Variants in PDE9A observed in about 807,000 individuals in gnomAD.
The protein encoded by PDE9A is high affinity cGMP-specific 3',5'-cyclic phosphodiesterase 9A.
A neutral mutation model predicts 87.4 loss-of-function variants in PDE9A; 60 were observed. That is an observed-to-expected ratio of 0.69 (90% CI 0.56 to 0.85). The LOEUF is 0.85. Among genes scored for constraint, PDE9A ranks in the 40% least tolerant of loss-of-function variants. The probability of loss-of-function intolerance (pLI) is 0.00; values close to 1 mark genes in which losing one functional copy is unlikely to be tolerated. For missense variants in PDE9A, 665 were observed against 779.0 expected (o/e 0.85, Z 1.74); for synonymous variants, 272 against 279.4 (o/e 0.97, Z 0.27).
chr21:42,746,404 G>T (rs1459271720), intron 8 of PDE9A, among the ~76,000 whole-genome samples: 1 of 152,192 alleles, frequency 6.6e-6, no homozygotes, highest in Non-Finnish European at 1.5e-5. Flanking sequence ...ACCTCTGAAG[G>T]CCCCAGGGGA....
chr21:42,693,871 C>T (rs1203356635), intron 3 of PDE9A, among the ~76,000 whole-genome samples: 6 of 152,190 alleles, frequency 3.9e-5, no homozygotes, highest in East Asian at 3.9e-4. Context: ...AGATTACAGG[C>T]GTGAGCCACC....
chr21:42,716,617 C>T (rs1202090007), intron 4 of PDE9A, among the ~76,000 whole-genome samples: 2 of 151,508 alleles, frequency 1.3e-5, no homozygotes, highest in Non-Finnish European at 2.9e-5. Context: ...TGTACCGCCT[C>T]ACATAAAAAA....
intron 4 of PDE9A, among the ~76,000 whole-genome samples, chr21:42,712,697 G>C (rs370163529): frequency 6.6e-6 from 1 of 152,134 alleles, no homozygotes; most frequent in Non-Finnish European, 1.5e-5. Flanking sequence ...TCTAATGTTA[G>C]TTTTCTGAGA....
At chr21:42,726,333 A>G (rs1234833965) in intron 4 of PDE9A, among the ~76,000 whole-genome samples, 2 of 151,244 alleles carry the variant, frequency 1.3e-5, no homozygotes, top group Non-Finnish European at 2.9e-5. Flanking sequence ...CAGTCTATCC[A>G]TTTTTCTTTT....
chr21:42,769,644 G>GCACACATA (rs1569280234), intron 17 of PDE9A, among the ~76,000 whole-genome samples: 1 of 38,304 alleles, frequency 2.6e-5, no homozygotes, highest in Non-Finnish European at 4.6e-5. Context: ...GCACACACAG[G>GCACACATA]GACACACAGG....
intron 4 of PDE9A, among the ~76,000 whole-genome samples, chr21:42,703,033 GC>G (rs1334885078): frequency 1.3e-5 from 2 of 152,244 alleles, no homozygotes; most frequent in African/African-American, 4.8e-5. Context: ...GGAGGCGGAG[GC>G]CTAGGCCGGG....
intron 1 of PDE9A, among the ~76,000 whole-genome samples, 200 bp downstream of exon 1, chr21:42,654,083 T>TGGGGGGG (rs535631608): frequency 3.1e-4 from 22 of 70,026 alleles, no homozygotes; most frequent in South Asian, 4.9e-4. Flanking sequence ...GGGTGGGGGG[T>TGGGGGGG]GGGGGGGCGG....
intron 10 of PDE9A, 188 bp from the exon 11 acceptor site, chr21:42,758,811 G>A: frequency 1.8e-6 from 1 of 561,008 alleles, no homozygotes; most frequent in South Asian, 2.1e-5. Context: ...TGGAAAGGCT[G>A]GTCTGAAGAC....
intron 8 of PDE9A, among the ~76,000 whole-genome samples, chr21:42,746,737 G>A (rs1237249915): frequency 6.6e-6 from 1 of 152,230 alleles, no homozygotes; most frequent in Admixed American, 6.5e-5. Flanking sequence ...AAGCCGCCAG[G>A]AACTCCAGTG....
At chr21:42,716,668 C>T (rs933796543) in intron 4 of PDE9A, among the ~76,000 whole-genome samples, 1 of 150,728 alleles carries the variant, frequency 6.6e-6, no homozygotes, top group Admixed American at 6.6e-5. Context: ...ACTCCCCTCT[C>T]CCACCACCTT....
At chr21:42,761,276 G>A (rs541684950) in intron 13 of PDE9A, among the ~76,000 whole-genome samples, 27 of 152,354 alleles carry the variant, frequency 1.8e-4, no homozygotes, top group South Asian at 1.4e-3. Flanking sequence ...TCAGGAGCTC[G>A]CCTCTCCCTG....
intron 4 of PDE9A, among the ~76,000 whole-genome samples, chr21:42,724,372 T>C (rs184234112): frequency 7.9e-5 from 12 of 152,278 alleles, no homozygotes; most frequent in Admixed American, 4.6e-4. Flanking sequence ...GCACTTGACA[T>C]GCATGAAATC....
chr21:42,718,218 C>G (rs1257495650), intron 4 of PDE9A, among the ~76,000 whole-genome samples: 3 of 151,760 alleles, frequency 2.0e-5, no homozygotes, highest in African/African-American at 7.2e-5. Context: ...TGTTTTCAAG[C>G]TGTTGATTTC....
In PDE9A at chr21:42,692,670, A is replaced by T. The variant is rs750460856; in HGVS notation, c.218+4676A>T. ...GGACGAGGCTGGCCCGGGACACGCC[A>T]CTGATGCTCTTCTGACCCAGGGGCT... is the stretch of plus-strand genomic sequence containing the variant. On this transcript the variant is annotated intron_variant, in intron 3 of 19. Coordinates refer to ENST00000291539, the MANE Select transcript of PDE9A (RefSeq NM_002606.3). The surrounding 1 kb of genome is among the most constrained non-coding windows in gnomAD (Gnocchi z 4.3). 2.4e-4 allele frequency among the ~76,000 whole-genome samples: 37 copies of T among 152,000 alleles called. No individual in the cohort carries two copies. Among genetic ancestry groups the T allele is most frequent in the Non-Finnish European group, 4.6e-4 (31 of 67,982 alleles).
chr21:42,680,631 G>A lies in PDE9A; in HGVS notation c.70-5561G>A, dbSNP rs539090678. On this transcript the variant is annotated intron_variant, in intron 1 of 19. Coordinates refer to ENST00000291539, the MANE Select transcript of PDE9A (RefSeq NM_002606.3). ...GGCTGGGCCATGGCCCGTACCAACC[G>A]TGAGCTGAGCCAGGAATCCAGTCAA... 2.6e-5 allele frequency among the ~76,000 whole-genome samples: 4 copies of A among 152,338 alleles called. No individual in the cohort carries two copies. The East Asian group carries it at 5.8e-4, about 22-fold the overall frequency.
At chr21:42,736,990 A>G (rs1244522924) in intron 7 of PDE9A, among the ~76,000 whole-genome samples, 3 of 152,256 alleles carry the variant, frequency 2.0e-5, no homozygotes, top group Non-Finnish European at 4.4e-5. Flanking sequence ...CTTAACCCAA[A>G]GATGCAAGAG....
chr21:42,662,325 C>G (rs1325596711), intron 1 of PDE9A, among the ~76,000 whole-genome samples: 1 of 152,064 alleles, frequency 6.6e-6, no homozygotes, highest in Non-Finnish European at 1.5e-5. Flanking sequence ...CCTCACAGCT[C>G]TGCTTCCCAG....
At chr21:42,726,100 C>A (rs560982140) in intron 4 of PDE9A, among the ~76,000 whole-genome samples, 3 of 152,260 alleles carry the variant, frequency 2.0e-5, no homozygotes, top group African/African-American at 7.2e-5. Context: ...GGGCTTCTTT[C>A]CATCTGTGAC....
chr21:42,773,698 G>A (rs2057239975), intron 19 of PDE9A, among the ~76,000 whole-genome samples: 1 of 151,900 alleles, frequency 6.6e-6, no homozygotes, highest in South Asian at 2.1e-4. Flanking sequence ...CTACTTGAGA[G>A]GCTGAGGCAG....
Sources: allele counts gnomAD v4.1 joint callset (sites outside exome capture counted in the v4.1 genomes callset), GRCh38; gene constraint gnomAD v4.1.1; non-coding constraint Gnocchi (gnomAD v3.1); transcripts MANE v1.5; gene names NCBI Gene and HGNC (gene_info 2026-07-23, HGNC 2026-07-21).